The following SLC71A2 variants were observed in gnomAD, a reference collection of about 807,000 sequenced individuals.
SLC71A2 encodes the protein solute carrier family 71 member 2, also known as hippocampus abundant transcript-like 1.
At chr9:94,389,658 G>A in the SLC71A2 span, among the ~76,000 whole-genome samples, 1 of 151,812 alleles carries the variant, frequency 6.6e-6, no homozygotes, top group Admixed American at 6.6e-5. Flanking sequence ...CCAGGCTGGA[G>A]TGCAGTGGTA....
the SLC71A2 span, among the ~76,000 whole-genome samples, chr9:94,457,215 G>T: frequency 1.3e-5 from 2 of 152,126 alleles, no homozygotes; most frequent in Admixed American, 1.3e-4. Context: ...GCCTGCCTCG[G>T]CCTCTCAAAG....
the SLC71A2 span, among the ~76,000 whole-genome samples, chr9:94,383,887 C>T: frequency 2.0e-5 from 3 of 151,870 alleles, no homozygotes; most frequent in Admixed American, 6.6e-5. Context: ...TATTTCTTGA[C>T]GTTATTGTAA....
the SLC71A2 span, among the ~76,000 whole-genome samples, chr9:94,444,380 C>T: frequency 1.9e-4 from 29 of 152,308 alleles, no homozygotes; most frequent in Non-Finnish European, 3.4e-4. Flanking sequence ...CTTCAACTTC[C>T]ACCTCAACAA....
the SLC71A2 span, among the ~76,000 whole-genome samples, chr9:94,439,542 ATT>A: frequency 4.9e-5 from 7 of 142,556 alleles, no homozygotes; most frequent in East Asian, 2.0e-4. Context: ...CTATTAATAG[ATT>A]TTTTTTTTTT....
chr9:94,409,982 A>G, the SLC71A2 span, among the ~76,000 whole-genome samples: 4 of 144,442 alleles, frequency 2.8e-5, no homozygotes, highest in African/African-American at 1.0e-4. Flanking sequence ...CTGATCTTCT[A>G]ATTGTTCTAT....
chr9:94,455,377 G>GCTTTT, the SLC71A2 span, among the ~76,000 whole-genome samples: 2 of 66,396 alleles, frequency 3.0e-5, no homozygotes, highest in Non-Finnish European at 5.5e-5. Context: ...CTAATATTCT[G>GCTTTT]ATTTTTTTTT....
the SLC71A2 span, among the ~76,000 whole-genome samples, chr9:94,387,844 TAC>T: frequency 6.6e-6 from 1 of 152,238 alleles, no homozygotes; most frequent in South Asian, 2.1e-4. Flanking sequence ...TCCCCTGCTC[TAC>T]ATTGTCTATT....
chr9:94,394,921 T>G, the SLC71A2 span, among the ~76,000 whole-genome samples: 3 of 85,904 alleles, frequency 3.5e-5, 1 homozygote, highest in Non-Finnish European at 5.1e-5. Flanking sequence ...TTTTGTTTTT[T>G]TTTTTTTTTT....
the SLC71A2 span, chr9:94,446,802 G>A: frequency 7.6e-7 from 1 of 1,312,078 alleles, no homozygotes; most frequent in Non-Finnish European, 1.1e-6. Context: ...TTTTAAGTGT[G>A]TTCTTTCTGC....
At chr9:94,375,078 A>T in the SLC71A2 span, 1 of 440,854 alleles carries the variant, frequency 2.3e-6, no homozygotes, top group East Asian at 4.2e-5. Context: ...CATCACGAAT[A>T]CAGGTTTTTC....
chr9:94,400,228 G>T, the SLC71A2 span, among the ~76,000 whole-genome samples: 26 of 152,134 alleles, frequency 1.7e-4, no homozygotes, highest in South Asian at 8.3e-4. Context: ...AAAAAGGAAT[G>T]TAACTATGTG....
the SLC71A2 span, among the ~76,000 whole-genome samples, chr9:94,424,918 T>TAAAAA: frequency 2.8e-3 from 408 of 148,016 alleles, 1 homozygote; most frequent in Non-Finnish European, 3.7e-3. Flanking sequence ...TTTTTTTTTT[T>TAAAAA]AAATAATAAA....
chr9:94,412,264 A>T, the SLC71A2 span, among the ~76,000 whole-genome samples: 16 of 152,350 alleles, frequency 1.1e-4, no homozygotes, highest in African/African-American at 3.6e-4. Flanking sequence ...CTTTTTCTTA[A>T]CATTTTTAGA....
At chr9:94,410,404 ATT>A in the SLC71A2 span, among the ~76,000 whole-genome samples, 8 of 151,618 alleles carry the variant, frequency 5.3e-5, no homozygotes, top group South Asian at 4.2e-4. Context: ...CACTGGGCCT[ATT>A]TTTTTCCCCC....
At chr9:94,427,717 C>CT in the SLC71A2 span, among the ~76,000 whole-genome samples, 3 of 147,078 alleles carry the variant, frequency 2.0e-5, no homozygotes, top group Admixed American at 7.0e-5. Flanking sequence ...CTGAAAGAAA[C>CT]TAAGAGGAAG....
the SLC71A2 span, among the ~76,000 whole-genome samples, chr9:94,384,663 T>G: frequency 6.6e-6 from 1 of 152,174 alleles, no homozygotes; most frequent in Non-Finnish European, 1.5e-5. Flanking sequence ...TTAAATTGGG[T>G]CATTTGCGTT....
chr9:94,383,408 A>G, the SLC71A2 span, among the ~76,000 whole-genome samples: 2 of 151,984 alleles, frequency 1.3e-5, no homozygotes, highest in Non-Finnish European at 2.9e-5. Flanking sequence ...TTATCCACCC[A>G]TCTTGGCCTC....
At chr9:94,439,021 C>G in the SLC71A2 span, among the ~76,000 whole-genome samples, 5 of 75,848 alleles carry the variant, frequency 6.6e-5, no homozygotes, top group South Asian at 4.3e-4. Flanking sequence ...AATTTGAGTT[C>G]GTTTTTTTTT....
chr9:94,408,282 C>G, the SLC71A2 span, among the ~76,000 whole-genome samples: 2 of 152,202 alleles, frequency 1.3e-5, no homozygotes, highest in African/African-American at 4.8e-5. Context: ...ATATTTTCAA[C>G]TTACAGTCGG....
Sources: allele counts gnomAD v4.1 joint callset (sites outside exome capture counted in the v4.1 genomes callset), GRCh38; gene constraint gnomAD v4.1.1; transcripts MANE v1.5; gene names NCBI Gene and HGNC (gene_info 2026-07-23, HGNC 2026-07-21).